ZKSCAN3: variants seen among roughly 807,000 people sequenced by gnomAD.
The protein encoded by ZKSCAN3 is zinc finger with KRAB and SCAN domains 3.
ZKSCAN3 carries 21 observed loss-of-function variants against 30.7 expected under a neutral mutation model. That is an observed-to-expected ratio of 0.68 (90% CI 0.49 to 0.99). The LOEUF is 0.99. Among genes scored for constraint, ZKSCAN3 ranks in the 50% least tolerant of loss-of-function variants. ZKSCAN3 has a pLI of 0.00. For synonymous variants in ZKSCAN3, 201 were observed against 246.7 expected (o/e 0.81, Z 1.73); for missense variants, 507 against 647.1 (o/e 0.78, Z 2.35).
At position 28,359,927 on chromosome 6, in the gene ZKSCAN3, G is replaced by A; in HGVS notation, c.341G>A (p.Gly114Glu). Residue 114 changes from glycine (G) to glutamate (E), a missense_variant, in exon 2 of 6, where the codon GGG becomes GAG. Transcript: ENST00000252211. ...GTGCGGGAGCAGCATCCAGAGAGCG[G>A]GGAGGAGGTGGTGGTGCTATTGGAG... The part of the protein sequence containing the change: ...SWVREQHPES[G>E]EEVVVLLEYL... The A allele has an allele frequency of 3.1e-6, 5 of 1,614,104 alleles. No homozygotes were observed. Among genetic ancestry groups the A allele is most frequent in the Non-Finnish European group, 4.2e-6 (5 of 1,179,998 alleles).
chr6:28,366,456 G>A lies in ZKSCAN3; in HGVS notation c.*171G>A. ...AAATTATCTTCTAAGTTCTAGAAGG[G>A]GTTTGTAATCAAAACATATTTGATA... On this transcript the variant is annotated 3_prime_UTR_variant, in exon 6 of 6. Transcript: ENST00000252211. 1 of 681,474 alleles carries A rather than the reference G, an allele frequency of 1.5e-6. No individual in the cohort carries two copies. Among genetic ancestry groups the A allele is most frequent in the Non-Finnish European group, 2.2e-6 (1 of 459,084 alleles). 42.2% of individuals were successfully genotyped at this position (681,474 alleles called of 1,614,324 possible).
intron 5 of ZKSCAN3, 21 bp from the exon 6 acceptor site, chr6:28,365,405 G>T: frequency 6.3e-7 from 1 of 1,587,328 alleles, no homozygotes; most frequent in South Asian, 1.2e-5. Context: ...AGCCACAGTT[G>T]CCAGTTATTT....
At position 28,363,472 on chromosome 6, in the gene ZKSCAN3, C is replaced by A. The variant is rs995120637; in HGVS notation, c.633+87C>A. Reference sequence around the variant, plus strand: ...CTCCTCACTCCCCATTCCCCTCCACCCCAATCCTAGATCCTCCATACAGAT... The same window carrying A: ...CTCCTCACTCCCCATTCCCCTCCACACCAATCCTAGATCCTCCATACAGAT... On this transcript the variant is annotated intron_variant, in intron 4 of 5. Transcript: ENST00000252211. The A allele has an allele frequency of 3.1e-5, 43 of 1,382,950 alleles. 1 individual carries two copies. The highest frequency in any genetic ancestry group is 3.8e-5 in the Non-Finnish European group (38 of 991,406). The allele number at this position is 1,382,950 out of a possible 1,614,324, so 85.7% of individuals were successfully genotyped here.
At position 28,363,831 on chromosome 6, in the gene ZKSCAN3, A is replaced by G. The variant is rs767864176; in HGVS notation, c.757+16A>G. 6.2e-7 allele frequency: 1 copy of G among 1,611,924 alleles called. No homozygotes were observed. The highest frequency in any genetic ancestry group is 2.2e-5 in the East Asian group (1 of 44,792). ...GTCTCCCTGGGTAAGACTAAAGGAC[A>G]CTAATTTCTGTTAAGGTTTCTTGGC... On this transcript the variant is annotated intron_variant, in intron 5 of 5. Transcript: ENST00000252211.
In ZKSCAN3 at chr6:28,365,745, TCATCA is replaced by T; in HGVS notation, c.1078_1082del (p.His360GlufsTer6). 6.2e-7 allele frequency: 1 copy of T among 1,613,612 alleles called. No homozygotes were observed. ...TCATTGGGAGCTCTGCCCTTGTCAT[TCATCA>T]GAGAGTCCACACTGGTGAGAAGCCA... On this transcript the variant is annotated frameshift_variant, in exon 6 of 6. Transcript: ENST00000252211. LOFTEE classifies it low-confidence loss of function (END_TRUNC).
Position 28,368,172 on chromosome 6 carries a change from G to C in ZKSCAN3, c.*1887G>C, listed in dbSNP as rs1190446070. ...GGCGATAGTTTGCTGAGAATGATGAGACGAGGTTTCACTGTGTTAGCCAGG... is the reference window on the plus strand; with the variant it reads ...GGCGATAGTTTGCTGAGAATGATGACACGAGGTTTCACTGTGTTAGCCAGG... On this transcript the variant is annotated 3_prime_UTR_variant, in exon 6 of 6. Transcript: ENST00000252211. 6.6e-6 allele frequency: 1 copy of C among 152,026 alleles called. No individual in the cohort carries two copies. The highest frequency in any genetic ancestry group is 2.4e-5 in the African/African-American group (1 of 41,378). 9.4% of individuals were successfully genotyped at this position (152,026 alleles called of 1,614,324 possible).
intron 2 of ZKSCAN3, 38 bp from the exon 3 acceptor site, chr6:28,361,286 T>C (rs749629161): frequency 6.2e-7 from 1 of 1,605,718 alleles, no homozygotes; most frequent in South Asian, 1.1e-5. Flanking sequence ...ATGGAAGTGT[T>C]TGATGAAAAC....
rs61744865 is a variant in ZKSCAN3 at position 28,365,882 on chromosome 6, A to G, written c.1214A>G (p.Lys405Arg). Residue 405 changes from lysine to arginine, a missense_variant, in exon 6 of 6, where the codon AAG becomes AGG. Coordinates refer to ENST00000252211, the MANE Select transcript of ZKSCAN3 (RefSeq NM_024493.4). ...CCCTATGAGTGTGATGACTGTGGGAAGACCTTCAGCCAGAGCTGCAGCCTC... is the reference window on the plus strand; with the variant it reads ...CCCTATGAGTGTGATGACTGTGGGAGGACCTTCAGCCAGAGCTGCAGCCTC... ...EKPYECDDCG[K>R]TFSQSCSLLE... 1.6e-3 allele frequency: 2,607 copies of G among 1,613,590 alleles called. 21 individuals are homozygous for G. The highest frequency in any genetic ancestry group is 8.5e-4 in the Non-Finnish European group (1,007 of 1,179,674).
Position 28,350,084 on chromosome 6 carries a change from A to ATGTG in ZKSCAN3, c.-63+41_-63+44dup, listed in dbSNP as rs112636754. ...CGGGTAGAGGTGCGTTTGCAGGAGT[A>ATGTG]TGTGTGTGTGTGTGTGTGTGTGTGT... On this transcript the variant is annotated intron_variant, in intron 1 of 5. Coordinates refer to ENST00000252211, the MANE Select transcript of ZKSCAN3 (RefSeq NM_024493.4). 19,254 of 148,688 alleles carry ATGTG rather than the reference A, an allele frequency of 0.13. 1,971 individuals carry two copies. The highest frequency in any genetic ancestry group is 0.28 in the African/African-American group (11,239 of 40,272). The allele number at this position is 148,688 out of a possible 1,614,324, so 9.2% of individuals were successfully genotyped here.
intron 3 of ZKSCAN3, among the ~76,000 whole-genome samples, chr6:28,362,844 G>A (rs1459676362): frequency 6.6e-6 from 1 of 152,046 alleles, no homozygotes; most frequent in Non-Finnish European, 1.5e-5. Context: ...GCACCCTAAC[G>A]GCTACTAAGG....
chr6:28,360,166 A>T, intron 2 of ZKSCAN3, 178 bp downstream of exon 2: 1 of 1,118,184 alleles, frequency 8.9e-7, no homozygotes, highest in Non-Finnish European at 1.3e-6. Flanking sequence ...TTTTTTTTTA[A>T]AATACATAAA....
intron 2 of ZKSCAN3, among the ~76,000 whole-genome samples, 192 bp from the exon 3 acceptor site, chr6:28,361,132 A>C (rs1199947457): frequency 6.6e-6 from 1 of 152,166 alleles, no homozygotes; most frequent in Non-Finnish European, 1.5e-5. Context: ...CTGATTAGCT[A>C]TTTAAACTGG....
At chr6:28,358,243 GGC>G (rs1765556790) in intron 1 of ZKSCAN3, among the ~76,000 whole-genome samples, 1 of 152,120 alleles carries the variant, frequency 6.6e-6, no homozygotes, top group South Asian at 2.1e-4. Flanking sequence ...GGAGTACAGA[GGC>G]ACAATCATAG....
rs952974185 is a variant in ZKSCAN3, at chr6:28,366,631, C to G, written c.*346C>G. ...GTGGATGGTTGTGATTTGGGGGCTG[C>G]TTCTCTGACCATTCTTTTTGACTGT... On this transcript the variant is annotated 3_prime_UTR_variant, in exon 6 of 6. Transcript: ENST00000252211. 1 of 183,504 alleles carries G rather than the reference C, an allele frequency of 5.4e-6. No individual in the cohort carries two copies. The highest frequency in any genetic ancestry group is 2.3e-5 in the African/African-American group (1 of 42,574). The allele number at this position is 183,504 out of a possible 1,614,324, so 11.4% of individuals were successfully genotyped here.
At chr6:28,360,103 C>T (rs766633829) in intron 2 of ZKSCAN3, 115 bp downstream of exon 2, 34 of 1,566,330 alleles carry the variant, frequency 2.2e-5, no homozygotes, top group Middle Eastern at 1.7e-4. Flanking sequence ...TTTTTTGTAC[C>T]GTGAACCTCC....
intron 3 of ZKSCAN3, among the ~76,000 whole-genome samples, chr6:28,362,281 A>C (rs1054803650): frequency 6.6e-6 from 1 of 152,238 alleles, no homozygotes; most frequent in Non-Finnish European, 1.5e-5. Flanking sequence ...TGACAGTGGG[A>C]AGTCTTATGC....
chr6:28,365,461 C>T lies in ZKSCAN3; in HGVS notation c.793C>T (p.Pro265Ser), dbSNP rs149631927. The change falls in exon 6 of 6, where the codon CCA (proline) becomes TCA (serine). Residue 265 changes from proline (P) to serine (S), a missense_variant. Physicochemically the swap from Pro to Ser is moderately conservative, Grantham distance 74. Coordinates refer to ENST00000252211, the MANE Select transcript of ZKSCAN3 (RefSeq NM_024493.4). ...EKQTKSRDLP[P>S]AEELPEKEHG... ...ACAGACTAAGAGCAGGGACTTGCCT[C>T]CAGCTGAGGAGCTTCCAGAAAAGGA... 1 of 1,613,446 alleles carries T rather than the reference C, an allele frequency of 6.2e-7. No individual in the cohort carries two copies. The highest frequency in any genetic ancestry group is 8.5e-7 in the Non-Finnish European group (1 of 1,179,768).
At position 28,351,958 on chromosome 6, in the gene ZKSCAN3, ATAAT is replaced by A. The variant is rs1385174315; in HGVS notation, c.-63+1893_-63+1896del. Among the ~76,000 whole-genome samples the A allele has an allele frequency of 6.6e-6, 1 of 152,016 alleles. No homozygotes were observed. On this transcript the variant is annotated intron_variant, in intron 1 of 5. Coordinates refer to ENST00000252211, the MANE Select transcript of ZKSCAN3 (RefSeq NM_024493.4). The surrounding 1 kb of genome is among the most constrained non-coding windows in gnomAD (Gnocchi z 4.6). The stretch of plus-strand genomic sequence containing the variant: ...TTGATATCATTATCTTGATTTTCAA[ATAAT>A]TGTCTCAAATATTTCTAGAGTTTTT...
At chr6:28,356,009 G>C (rs1307722722) in intron 1 of ZKSCAN3, 1 of 152,284 alleles carries the variant, frequency 6.6e-6, no homozygotes, top group Non-Finnish European at 1.5e-5. Flanking sequence ...AGCGGCCGAT[G>C]CCGAGGTCCA....
Sources: allele counts gnomAD v4.1 joint callset (sites outside exome capture counted in the v4.1 genomes callset), GRCh38; gene constraint gnomAD v4.1.1; non-coding constraint Gnocchi (gnomAD v3.1); transcripts MANE v1.5; gene names NCBI Gene and HGNC (gene_info 2026-07-23, HGNC 2026-07-21).